Variants in OR1J2 observed in about 807,000 individuals in gnomAD.
The protein encoded by OR1J2 is olfactory receptor 1J2.
For missense variants in OR1J2, 304 were observed against 246.1 expected, an observed-to-expected ratio of 1.24 and a Z score of -1.57; for synonymous variants, 142 against 99.7, an observed-to-expected ratio of 1.42 and a Z score of -2.52.
the OR1J2 span, among the ~76,000 whole-genome samples, chr9:122,533,960 G>T: frequency 2.6e-5 from 4 of 152,220 alleles, no homozygotes; most frequent in Non-Finnish European, 5.9e-5. Context: ...CAGAGTTCCA[G>T]GGGCTCTGGG....
the OR1J2 span, among the ~76,000 whole-genome samples, chr9:122,575,021 A>T: frequency 5.3e-5 from 8 of 152,050 alleles, no homozygotes; most frequent in Admixed American, 4.6e-4. Context: ...GGAATGTTGA[A>T]CCAGGCTTGC....
chr9:122,496,909 G>A, the OR1J2 span, among the ~76,000 whole-genome samples: 1 of 152,124 alleles, frequency 6.6e-6, no homozygotes, highest in Non-Finnish European at 1.5e-5. Context: ...TAGTGATTTT[G>A]GGGCCACAGG....
the OR1J2 span, chr9:122,527,351 A>G: frequency 9.3e-7 from 1 of 1,079,330 alleles, no homozygotes; most frequent in Non-Finnish European, 1.3e-6. Flanking sequence ...TTCATCTACA[A>G]CTGTGTGGGC....
chr9:122,468,899 C>T, the OR1J2 span, among the ~76,000 whole-genome samples: 1 of 152,220 alleles, frequency 6.6e-6, no homozygotes, highest in African/African-American at 2.4e-5. Context: ...CTCTGGACCT[C>T]TCCATCAGAT....
the OR1J2 span, among the ~76,000 whole-genome samples, chr9:122,575,324 T>C: frequency 6.6e-6 from 1 of 152,152 alleles, no homozygotes; most frequent in Non-Finnish European, 1.5e-5. Flanking sequence ...GGCCTAGTGC[T>C]TTCTGCTTTG....
At chr9:122,564,237 G>A in the OR1J2 span, among the ~76,000 whole-genome samples, 2 of 152,176 alleles carry the variant, frequency 1.3e-5, no homozygotes, top group Admixed American at 1.3e-4. Flanking sequence ...AACTTACGGT[G>A]TGTCCACTCG....
At chr9:122,484,845 C>G in the OR1J2 span, among the ~76,000 whole-genome samples, 1 of 151,792 alleles carries the variant, frequency 6.6e-6, no homozygotes, top group Non-Finnish European at 1.5e-5. Flanking sequence ...CCAGCCTGGA[C>G]AACATGGTGA....
At chr9:122,556,686 A>C in the OR1J2 span, among the ~76,000 whole-genome samples, 2 of 151,678 alleles carry the variant, frequency 1.3e-5, no homozygotes, top group East Asian at 3.9e-4. Context: ...AATTTAAAAG[A>C]AAAAAAAAGT....
At chr9:122,510,784 A>G (rs756155444), upstream of OR1J2, 2 of 1,350,626 alleles carry the variant, frequency 1.5e-6, no homozygotes, top group Non-Finnish European at 2.1e-6. Flanking sequence ...CTTCATCTCC[A>G]TCAGAGGGCA....
chr9:122,477,338 A>G, the OR1J2 span: 1 of 1,614,154 alleles, frequency 6.2e-7, no homozygotes, highest in Non-Finnish European at 8.5e-7. Context: ...AAGATTGCTA[A>G]CTGATTGAGG....
chr9:122,472,431 T>C, the OR1J2 span, among the ~76,000 whole-genome samples: 1 of 152,234 alleles, frequency 6.6e-6, no homozygotes, highest in Admixed American at 6.5e-5. Flanking sequence ...AATAGTACTC[T>C]TAAGACCCAA....
chr9:122,456,461 A>G, the OR1J2 span, among the ~76,000 whole-genome samples: 1 of 152,120 alleles, frequency 6.6e-6, no homozygotes, highest in East Asian at 1.9e-4. Context: ...TTCTTATTTT[A>G]TCTTATCTTA....
the OR1J2 span, among the ~76,000 whole-genome samples, chr9:122,502,932 GACCT>G: frequency 6.6e-6 from 1 of 152,136 alleles, no homozygotes; most frequent in South Asian, 2.1e-4. Context: ...TCTTATGGAG[GACCT>G]AATACCTTAT....
chr9:122,548,271 T>C, the OR1J2 span, among the ~76,000 whole-genome samples: 1 of 152,250 alleles, frequency 6.6e-6, no homozygotes, highest in African/African-American at 2.4e-5. Context: ...GGGTAGTTAA[T>C]TGGGTGGAAT....
At chr9:122,465,280 C>T in the OR1J2 span, among the ~76,000 whole-genome samples, 16 of 152,228 alleles carry the variant, frequency 1.1e-4, no homozygotes, top group Admixed American at 7.2e-4. Context: ...AACAAAAATC[C>T]GGTGCCAGGC....
At chr9:122,508,973 T>C (rs1828581493), upstream of OR1J2, among the ~76,000 whole-genome samples, 1 of 152,208 alleles carries the variant, frequency 6.6e-6, no homozygotes, top group Non-Finnish European at 1.5e-5. Flanking sequence ...CCTTATCTCA[T>C]GGCCCCTTCC....
the OR1J2 span, among the ~76,000 whole-genome samples, chr9:122,544,663 C>T: frequency 6.6e-6 from 1 of 151,994 alleles, no homozygotes; most frequent in East Asian, 1.9e-4. Flanking sequence ...CAGGGATCTG[C>T]CCTCCTCGGC....
chr9:122,540,008 G>T, the OR1J2 span, among the ~76,000 whole-genome samples: 3 of 152,144 alleles, frequency 2.0e-5, no homozygotes, highest in Non-Finnish European at 2.9e-5. Flanking sequence ...GTAGATTCTG[G>T]ATATTAGCCC....
chr9:122,578,448 CA>C, the OR1J2 span: 76,549 of 114,780 alleles, frequency 0.67, 23,329 homozygotes, highest in East Asian at 0.8. Context: ...GACTCCATCT[CA>C]AAAAAAAAAA....
Sources: gnomAD v4.1 joint callset for allele counts (sites outside exome capture counted in the v4.1 genomes callset) on GRCh38, gnomAD v4.1.1 for gene constraint, MANE v1.5 for transcripts, NCBI Gene and HGNC (gene_info 2026-07-23, HGNC 2026-07-21) for gene names.